ASXL2: variants seen among roughly 807,000 people sequenced by gnomAD.
ASXL2 encodes the protein putative Polycomb group protein ASXL2.
In ASXL2, 23 loss-of-function variants were observed where a neutral mutation model predicts 122.0. That is an observed-to-expected ratio of 0.19 (90% CI 0.14 to 0.27). ASXL2 has a LOEUF of 0.27. Ranked by LOEUF, ASXL2 falls within the 10% of genes least tolerant of loss-of-function variation. ASXL2 has a pLI of 1.00. For missense variants in ASXL2, 1,518 were observed against 1,713.8 expected (o/e 0.89, Z 2.02); for synonymous variants, 650 against 637.0 (o/e 1.02, Z -0.31).
intron 5 of ASXL2, among the ~76,000 whole-genome samples, chr2:25,774,881 GT>G (rs2088520251): frequency 6.6e-6 from 1 of 152,018 alleles, no homozygotes; most frequent in African/African-American, 2.4e-5. Flanking sequence ...CAATCTCCTG[GT>G]TGCTGTGTTT....
At position 25,743,999 on chromosome 2, in the gene ASXL2, G is replaced by A; in HGVS notation, c.2338C>T (p.Pro780Ser). The A allele has an allele frequency of 1.2e-6, 2 of 1,614,018 alleles. No homozygotes were observed. Among genetic ancestry groups the A allele is most frequent in the Non-Finnish European group, 1.7e-6 (2 of 1,179,874 alleles). Residue 780 changes from proline to serine, a missense_variant, in exon 13 of 13, where the codon CCT (proline) becomes TCT (serine). Physicochemically the swap from Pro to Ser is moderately conservative, Grantham distance 74. Around this residue, in one of 8 missense-constraint regions of ASXL2, gnomAD observed 831 missense variants for 833.1 expected, o/e 1.00. Transcript: ENST00000435504. Reference sequence around the variant, plus strand: ...GCTCCACTGACGGCAGGTGTTGGAGGCACTGGGGGGGTTTGCTGTAGTTGT... The same window carrying A: ...GCTCCACTGACGGCAGGTGTTGGAGACACTGGGGGGGTTTGCTGTAGTTGT... ...GAQLQQTPPV[P>S]PTPAVSGACT...
At chr2:25,832,770 A>G (rs2089469321) in intron 3 of ASXL2, among the ~76,000 whole-genome samples, 1 of 152,240 alleles carries the variant, frequency 6.6e-6, no homozygotes, top group African/African-American at 2.4e-5. Flanking sequence ...TAATAGCCAA[A>G]GCCTGGAAAC....
chr2:25,805,259 T>C (rs1052032089), intron 4 of ASXL2, among the ~76,000 whole-genome samples: 2 of 152,098 alleles, frequency 1.3e-5, no homozygotes, highest in Non-Finnish European at 2.9e-5. Flanking sequence ...GAGAATAAAA[T>C]GAGAATGTAA....
At position 25,742,740 on chromosome 2, in the gene ASXL2, G is replaced by A. The variant is rs376795439; in HGVS notation, c.3597C>T (p.Pro1199=). The A allele has an allele frequency of 2.9e-5, 46 of 1,613,904 alleles. No individual in the cohort carries two copies. The African/African-American group carries it at 5.6e-4, about 20-fold the overall frequency. Residue 1199 remains proline (P), a synonymous_variant, in exon 13 of 13, where the codon CCC becomes CCT. Transcript: ENST00000435504. ...CCTTGCCAGCACTCTGGGAAACCTG[G>A]GGCTCCTCTTTCACTGTGACAGATT... The part of the protein sequence containing the change: ...EQESVTVKEE[P]QVSQSAGKGD...
chr2:25,829,951 G>A (rs1207730669), intron 3 of ASXL2, among the ~76,000 whole-genome samples: 1 of 152,172 alleles, frequency 6.6e-6, no homozygotes, highest in Non-Finnish European at 1.5e-5. Flanking sequence ...GTCCCCACAG[G>A]CTGAAGACTC....
chr2:25,761,334 G>C (rs1321226294), intron 8 of ASXL2, among the ~76,000 whole-genome samples: 2 of 152,050 alleles, frequency 1.3e-5, no homozygotes, highest in African/African-American at 4.8e-5. Flanking sequence ...CAAAGACAAA[G>C]AGAATAACTT....
intron 3 of ASXL2, among the ~76,000 whole-genome samples, chr2:25,811,106 A>G (rs2089164315): frequency 6.7e-6 from 1 of 150,146 alleles, no homozygotes; most frequent in South Asian, 2.1e-4. Context: ...ACACAAAATC[A>G]GCCATGCATT....
At chr2:25,788,685 C>G (rs536982208) in intron 5 of ASXL2, among the ~76,000 whole-genome samples, 2 of 152,270 alleles carry the variant, frequency 1.3e-5, no homozygotes, top group African/African-American at 4.8e-5. Flanking sequence ...TTTCTGTGGT[C>G]ACTAACGGAA....
At chr2:25,771,315 G>A in intron 6 of ASXL2, 125 bp downstream of exon 6, 1 of 731,296 alleles carries the variant, frequency 1.4e-6, no homozygotes, top group Non-Finnish European at 2.2e-6. Flanking sequence ...TTGGGCTACT[G>A]CATGAAAGTT....
At chr2:25,760,854 A>G (rs894161085) in intron 8 of ASXL2, among the ~76,000 whole-genome samples, 1 of 152,240 alleles carries the variant, frequency 6.6e-6, no homozygotes, top group African/African-American at 2.4e-5. Flanking sequence ...AGAATACAGA[A>G]TTGCTATGTA....
At chr2:25,778,678 G>A (rs990208282) in intron 5 of ASXL2, among the ~76,000 whole-genome samples, 3 of 151,972 alleles carry the variant, frequency 2.0e-5, no homozygotes, top group Admixed American at 6.6e-5. Context: ...CACCCAAATC[G>A]TCCCATTTTG....
intron 8 of ASXL2, among the ~76,000 whole-genome samples, chr2:25,766,120 T>C (rs1247614102): frequency 1.3e-5 from 2 of 152,228 alleles, no homozygotes; most frequent in Non-Finnish European, 2.9e-5. Flanking sequence ...CACTTTTAGT[T>C]TCCATGTTGC....
intron 1 of ASXL2, chr2:25,856,838 C>A: frequency 1.0e-6 from 1 of 958,802 alleles, no homozygotes; most frequent in Non-Finnish European, 1.7e-6. Context: ...GGATGTCCAC[C>A]CCTGAGAGGA....
At chr2:25,769,020 C>A (rs1379541619) in intron 6 of ASXL2, among the ~76,000 whole-genome samples, 152 bp from the exon 7 acceptor site, 1 of 152,102 alleles carries the variant, frequency 6.6e-6, no homozygotes, top group Non-Finnish European at 1.5e-5. Flanking sequence ...TAAGCTAACT[C>A]TCGCTTCTTG....
Position 25,849,064 on chromosome 2 carries a change from C to CATAT in ASXL2, c.58-3505_58-3502dup, listed in dbSNP as rs139200567. On this transcript the variant is annotated intron_variant, in intron 1 of 12. Transcript: ENST00000435504. ...CCGTCTCAAAAAAAAAAAAAATTTACATATATATATATGGAATATTTATTT... is the reference window on the plus strand; with the variant it reads ...CCGTCTCAAAAAAAAAAAAAATTTACATATATATATATATATGGAATATTTATTT... Among the ~76,000 whole-genome samples the CATAT allele has an allele frequency of 4.1e-3, 358 of 86,448 alleles. 49 individuals are homozygous for CATAT. The highest frequency in any genetic ancestry group is 0.015 in the African/African-American group (243 of 16,532). The allele number at this position is 86,448 out of a possible 152,430, so 56.7% of individuals were successfully genotyped here.
At chr2:25,816,430 C>T (rs998027679) in intron 3 of ASXL2, among the ~76,000 whole-genome samples, 3 of 152,070 alleles carry the variant, frequency 2.0e-5, no homozygotes, top group South Asian at 2.1e-4. Context: ...CAATGATGTT[C>T]GTCTTGGCCA....
intron 1 of ASXL2, among the ~76,000 whole-genome samples, chr2:25,859,078 G>T (rs1486275905): frequency 1.3e-5 from 2 of 151,892 alleles, no homozygotes. Flanking sequence ...GCCTCCTGAA[G>T]CGCTGGGATT....
At chr2:25,845,263 G>T in intron 2 of ASXL2, 1 of 667,946 alleles carries the variant, frequency 1.5e-6, no homozygotes, top group Non-Finnish European at 2.6e-6. Context: ...CTTAAAGATA[G>T]CTACCCTCTA....
At chr2:25,838,911 A>G (rs2089546011) in intron 2 of ASXL2, among the ~76,000 whole-genome samples, 1 of 152,200 alleles carries the variant, frequency 6.6e-6, no homozygotes, top group African/African-American at 2.4e-5. Context: ...CTCAGGAGGG[A>G]AACAAAATAC....
Sources: gnomAD v4.1 joint callset for allele counts (sites outside exome capture counted in the v4.1 genomes callset) on GRCh38, gnomAD v4.1.1 for gene constraint, gnomAD v4.1.1 regional missense constraint, MANE v1.5 for transcripts, NCBI Gene and HGNC (gene_info 2026-07-23, HGNC 2026-07-21) for gene names.